PKD1L1: variants seen among roughly 807,000 people sequenced by gnomAD.
The protein encoded by PKD1L1 is polycystin-1-like protein 1.
PKD1L1 carries 236 observed loss-of-function variants against 323.4 expected under a neutral mutation model. The ratio of observed to expected loss-of-function variants is 0.73; its 90% CI spans 0.66 to 0.81. The LOEUF (loss-of-function observed/expected upper bound fraction) is 0.81. PKD1L1 is among the 40% of genes least tolerant of loss of function. The pLI, the probability that PKD1L1 is intolerant of heterozygous loss-of-function variation, is 0.00. For synonymous variants in PKD1L1, 1,344 were observed against 1,335.0 expected (o/e 1.01, Z -0.15); for missense variants, 3,320 against 3,508.0 (o/e 0.95, Z 1.35).
chr7:47,948,456 GT>G lies in PKD1L1; in HGVS notation c.-17del. 1 of 1,613,842 alleles carries G rather than the reference GT, an allele frequency of 6.2e-7. No homozygotes were observed. Among genetic ancestry groups the G allele is most frequent in the Non-Finnish European group, 8.5e-7 (1 of 1,179,928 alleles). ...CCTCGGCCATGTCCTGTGCAAGCTG[GT>G]CACAAGTATGACAGTCAGCAGACCA... On this transcript the variant is annotated 5_prime_UTR_variant, in exon 1 of 57. Transcript: ENST00000289672.
At chr7:47,777,449 A>G (rs1220703439) in intron 56 of PKD1L1, among the ~76,000 whole-genome samples, 1 of 152,190 alleles carries the variant, frequency 6.6e-6, no homozygotes, top group African/African-American at 2.4e-5. Flanking sequence ...AGGCAAAGCC[A>G]GCACACAGCA....
At chr7:47,925,035 A>T (rs1787630676) in intron 7 of PKD1L1, among the ~76,000 whole-genome samples, 1 of 152,246 alleles carries the variant, frequency 6.6e-6, no homozygotes, top group Non-Finnish European at 1.5e-5. Flanking sequence ...TATAAACAAC[A>T]TGAGAATTCA....
At chr7:47,935,097 G>A (rs746097250) in intron 4 of PKD1L1, among the ~76,000 whole-genome samples, 39 of 152,136 alleles carry the variant, frequency 2.6e-4, no homozygotes, top group Non-Finnish European at 1.0e-4. Flanking sequence ...TTCCCGTGGC[G>A]GCACCCAGGG....
chr7:47,865,678 C>T (rs1005341893), intron 25 of PKD1L1, among the ~76,000 whole-genome samples: 7 of 151,700 alleles, frequency 4.6e-5, no homozygotes, highest in Admixed American at 1.3e-4. Context: ...CTCTGCCTCC[C>T]GGGTTCATGC....
At chr7:47,851,944 A>C (rs1352200939) in intron 31 of PKD1L1, among the ~76,000 whole-genome samples, 1 of 152,262 alleles carries the variant, frequency 6.6e-6, no homozygotes, top group Admixed American at 6.5e-5. Flanking sequence ...AAAAAATATA[A>C]AGAGCTATAG....
At chr7:47,881,861 A>C (rs1786560734) in intron 20 of PKD1L1, 48 bp downstream of exon 20, 5 of 1,505,350 alleles carry the variant, frequency 3.3e-6, no homozygotes, top group Non-Finnish European at 4.4e-6. Flanking sequence ...GATATCTAAA[A>C]GCTTCAGAAA....
rs751106678 is a variant in PKD1L1 at position 47,835,199 on chromosome 7, A to C, written c.5988T>G (p.Gly1996=). Residue 1996 remains glycine (G), a synonymous_variant, in exon 38 of 57, where the codon GGT becomes GGG. Transcript: ENST00000289672. ...GAGAAGCCAGGAGGGTACACAGGAGACCCACCCTGAAGGATCCAAGGGTGG... is the reference window on the plus strand; with the variant it reads ...GAGAAGCCAGGAGGGTACACAGGAGCCCCACCCTGAAGGATCCAAGGGTGG... The part of the protein sequence containing the change: ...VSPTLGSFRV[G]LLCTLLASPG... 4 of 1,589,544 alleles carry C rather than the reference A, an allele frequency of 2.5e-6. No individual in the cohort carries two copies. Among genetic ancestry groups the C allele is most frequent in the Non-Finnish European group, 3.4e-6 (4 of 1,173,550 alleles).
At chr7:47,941,715 A>C (rs1787989313) in intron 2 of PKD1L1, among the ~76,000 whole-genome samples, 1 of 152,212 alleles carries the variant, frequency 6.6e-6, no homozygotes, top group Admixed American at 6.5e-5. Flanking sequence ...ATATTTAGAA[A>C]ATGTTTCGGA....
At chr7:47,825,903 T>C (rs963227951) in intron 45 of PKD1L1, among the ~76,000 whole-genome samples, 2 of 152,170 alleles carry the variant, frequency 1.3e-5, no homozygotes, top group Non-Finnish European at 2.9e-5. Flanking sequence ...GTTTTGCCTG[T>C]TTCCTAAATG....
chr7:47,947,179 C>T (rs1392869915), intron 1 of PKD1L1, among the ~76,000 whole-genome samples: 5 of 152,220 alleles, frequency 3.3e-5, no homozygotes, highest in Non-Finnish European at 4.4e-5. Context: ...TGACCAACCC[C>T]GTCAACACGT....
intron 34 of PKD1L1, 102 bp downstream of exon 34, chr7:47,842,860 T>C: frequency 9.0e-7 from 1 of 1,108,228 alleles, no homozygotes; most frequent in South Asian, 1.6e-5. Flanking sequence ...ATGAGGCTGC[T>C]GTGACAGGTG....
chr7:47,810,597 T>G (rs1015559652), intron 50 of PKD1L1, among the ~76,000 whole-genome samples: 6 of 152,198 alleles, frequency 3.9e-5, no homozygotes, highest in Non-Finnish European at 7.3e-5. Context: ...ACCGGGTCAC[T>G]GAACAGTCCC....
chr7:47,843,178 A>G lies in PKD1L1; in HGVS notation c.5238-9T>C, dbSNP rs747391041. 2 of 1,593,014 alleles carry G rather than the reference A, an allele frequency of 1.3e-6. No homozygotes were observed. Among genetic ancestry groups the G allele is most frequent in the South Asian group, 2.3e-5 (2 of 88,854 alleles). ...GCAAGTTTTCTGGGTGGCTATAAACAAAAGGAGAGATATAAAGAAAATTGC... is the reference window on the plus strand; with the variant it reads ...GCAAGTTTTCTGGGTGGCTATAAACGAAAGGAGAGATATAAAGAAAATTGC... On this transcript the variant is annotated splice_polypyrimidine_tract_variant and intron_variant, in intron 33 of 56. Transcript: ENST00000289672.
intron 23 of PKD1L1, 127 bp from the exon 24 acceptor site, chr7:47,874,137 C>T (rs980065167): frequency 3.8e-5 from 24 of 625,546 alleles, no homozygotes; most frequent in African/African-American, 3.5e-4. Flanking sequence ...GGCCAGGCTC[C>T]GAGCCACAGG....
At position 47,946,281 on chromosome 7, in the gene PKD1L1, G is replaced by A. The variant is rs1788093282; in HGVS notation, c.44+2116C>T. Among the ~76,000 whole-genome samples, 1 of 152,026 alleles carries A rather than the reference G, an allele frequency of 6.6e-6. No individual in the cohort carries two copies. The highest frequency in any genetic ancestry group is 2.4e-5 in the African/African-American group (1 of 41,384). On this transcript the variant is annotated intron_variant, in intron 1 of 56. Coordinates refer to ENST00000289672, the MANE Select transcript of PKD1L1 (RefSeq NM_138295.5). The surrounding 1 kb of genome is among the most constrained non-coding windows in gnomAD (Gnocchi z 4.1). ...ACAGATCTCTTAGAATCCCTTAAGAGTGAGTGTTTTTCGGGGCCTGTCAGG... is the reference window on the plus strand; with the variant it reads ...ACAGATCTCTTAGAATCCCTTAAGAATGAGTGTTTTTCGGGGCCTGTCAGG...
At chr7:47,931,343 C>A in intron 5 of PKD1L1, 22 bp from the exon 6 acceptor site, 1 of 1,612,978 alleles carries the variant, frequency 6.2e-7, no homozygotes, top group South Asian at 1.1e-5. Context: ...AAGAACAGTT[C>A]AGGGTTTATT....
In PKD1L1 at chr7:47,816,696, GAGA is replaced by G. The variant is rs1226864140; in HGVS notation, c.6966-1242_6966-1240del. 3.9e-5 allele frequency among the ~76,000 whole-genome samples: 6 copies of G among 152,222 alleles called. No homozygotes were observed. In the East Asian group the frequency reaches 7.7e-4, roughly 19 times the overall value. ...AGGAAAAGGAATTTTGTCATAAGGT[GAGA>G]AGAAGTTAGAAAGTCACCCAAGTAC... On this transcript the variant is annotated intron_variant, in intron 46 of 56. Transcript: ENST00000289672.
intron 3 of PKD1L1, 149 bp from the exon 4 acceptor site, chr7:47,937,107 G>A: frequency 1.6e-6 from 1 of 627,700 alleles, no homozygotes; most frequent in Non-Finnish European, 2.7e-6. Flanking sequence ...GCAACAGCGA[G>A]GAAAGCAGAC....
intron 4 of PKD1L1, among the ~76,000 whole-genome samples, chr7:47,933,892 T>C (rs1301113567): frequency 6.6e-6 from 1 of 152,202 alleles, no homozygotes; most frequent in Non-Finnish European, 1.5e-5. Context: ...CAGTCACTCG[T>C]GATGAGAGCT....
Sources: gnomAD v4.1 joint callset for allele counts (sites outside exome capture counted in the v4.1 genomes callset) on GRCh38, gnomAD v4.1.1 for gene constraint, Gnocchi (gnomAD v3.1) non-coding constraint, MANE v1.5 for transcripts, NCBI Gene and HGNC (gene_info 2026-07-23, HGNC 2026-07-21) for gene names.